SLC9C2: variants seen among roughly 807,000 people sequenced by gnomAD.
SLC9C2 encodes the protein sodium/hydrogen exchanger 11.
Under a neutral mutation model 140.2 loss-of-function variants are expected in SLC9C2, and 75 were observed. The ratio of observed to expected loss-of-function variants is 0.53; its 90% CI spans 0.44 to 0.65. The LOEUF (loss-of-function observed/expected upper bound fraction) is 0.65. SLC9C2 is among the 30% of genes least tolerant of loss of function. The pLI, the probability that SLC9C2 is intolerant of heterozygous loss-of-function variation, is 0.00. For missense variants in SLC9C2, 1,074 were observed against 1,331.8 expected (o/e 0.81, Z 3.01); for synonymous variants, 375 against 420.9 (o/e 0.89, Z 1.34).
chr1:173,521,349 T>G lies in SLC9C2; in HGVS notation c.2691A>C (p.Gly897=), dbSNP rs1382271027. 6 of 1,557,800 alleles carry G rather than the reference T, an allele frequency of 3.9e-6. No individual in the cohort carries two copies. In the East Asian group the frequency reaches 1.4e-4, roughly 38 times the overall value. ...CFDSGDTICK[G]GEMPQGIYLI... The stretch of plus-strand genomic sequence containing the variant: ...AGTAGATTCCTTGTGGCATTTCACC[T>G]CCTTTACAAATGGTATCTCCAGAGT... The change falls in exon 22 of 28, where the codon GGA becomes GGC. Residue 897 remains glycine (G), a synonymous_variant. Coordinates refer to ENST00000367714, the MANE Select transcript of SLC9C2 (RefSeq NM_178527.4).
intron 9 of SLC9C2, among the ~76,000 whole-genome samples, chr1:173,558,560 G>A (rs1428602801): frequency 6.6e-6 from 1 of 152,168 alleles, no homozygotes; most frequent in African/African-American, 2.4e-5. Flanking sequence ...GTAAAATGAA[G>A]ATAATAACAA....
chr1:173,564,700 C>T (rs1160193627), intron 9 of SLC9C2, among the ~76,000 whole-genome samples: 1 of 145,622 alleles, frequency 6.9e-6, no homozygotes, highest in South Asian at 2.2e-4. Context: ...TGCAGTGGCG[C>T]GATCTCGGCT....
At chr1:173,540,110 T>A (rs1461961536) in intron 13 of SLC9C2, among the ~76,000 whole-genome samples, 1 of 152,182 alleles carries the variant, frequency 6.6e-6, no homozygotes, top group East Asian at 1.9e-4. Context: ...CTCACCCTGT[T>A]GGAACCCAGA....
chr1:173,505,242 C>T lies in SLC9C2; in HGVS notation c.3310+5G>A. ...TTTTCCTACCACTAAAGGTCTACCC[C>T]TTACCCATGACATTGGTGTTACTAT... On this transcript the variant is annotated splice_donor_5th_base_variant and intron_variant, in intron 26 of 27. Transcript: ENST00000367714. The T allele has an allele frequency of 6.2e-7, 1 of 1,611,282 alleles. No individual in the cohort carries two copies. Among genetic ancestry groups the T allele is most frequent in the Non-Finnish European group, 8.5e-7 (1 of 1,177,540 alleles).
rs116824036 is a variant in SLC9C2, at chr1:173,547,287, A to G, written c.1557+402T>C. Among the ~76,000 whole-genome samples the G allele has an allele frequency of 9.4e-3, 1,430 of 152,016 alleles. 26 individuals carry two copies. Among genetic ancestry groups the G allele is most frequent in the African/African-American group, 0.033 (1,372 of 41,454 alleles). ...CAAGAGAATTTTTGATTCATCAGAT[A>G]TATTTTAGCTTATTATATCTCTAAC... On this transcript the variant is annotated intron_variant, in intron 13 of 27. Coordinates refer to ENST00000367714, the MANE Select transcript of SLC9C2 (RefSeq NM_178527.4).
At chr1:173,551,804 C>T (rs887001341) in intron 11 of SLC9C2, among the ~76,000 whole-genome samples, 28 of 152,012 alleles carry the variant, frequency 1.8e-4, no homozygotes, top group Admixed American at 1.7e-3. Context: ...CAATTAATAA[C>T]CCTACAATGG....
intron 19 of SLC9C2, among the ~76,000 whole-genome samples, chr1:173,526,122 C>T (rs1661175641): frequency 6.6e-6 from 1 of 151,658 alleles, no homozygotes; most frequent in Non-Finnish European, 1.5e-5. Context: ...CAGCCTGGCC[C>T]ACAGCCCCCC....
At chr1:173,568,095 T>C (rs1664605293) in intron 9 of SLC9C2, among the ~76,000 whole-genome samples, 1 of 152,174 alleles carries the variant, frequency 6.6e-6, no homozygotes, top group Non-Finnish European at 1.5e-5. Flanking sequence ...CATTTCTACT[T>C]AGGAGTAGTT....
At chr1:173,594,260 T>C (rs908946734) in intron 4 of SLC9C2, among the ~76,000 whole-genome samples, 1 of 152,164 alleles carries the variant, frequency 6.6e-6, no homozygotes, top group East Asian at 1.9e-4. Flanking sequence ...GCAGGATGAC[T>C]ATAGTTAACA....
intron 12 of SLC9C2, 125 bp from the exon 13 acceptor site, chr1:173,547,909 A>G: frequency 1.5e-6 from 1 of 680,326 alleles, no homozygotes; most frequent in East Asian, 2.9e-5. Flanking sequence ...GAATTGCTAG[A>G]ATGAAGAGCT....
chr1:173,587,301 T>TAGACTTGG lies in SLC9C2; in HGVS notation c.523+363_523+364insCCAAGTCT, dbSNP rs1198334555. ...TTGGAATAGTCTCTTTAGGGATCTTTAATGTTTCCCCTTATTGGTAAACAA... is the reference window on the plus strand; with the variant it reads ...TTGGAATAGTCTCTTTAGGGATCTTTAGACTTGGAATGTTTCCCCTTATTGGTAAACAA... On this transcript the variant is annotated intron_variant, in intron 5 of 27. Coordinates refer to ENST00000367714, the MANE Select transcript of SLC9C2 (RefSeq NM_178527.4). 2.6e-5 allele frequency among the ~76,000 whole-genome samples: 4 copies of TAGACTTGG among 152,332 alleles called. No individual in the cohort carries two copies. The East Asian group carries it at 7.7e-4, about 29-fold the overall frequency.
chr1:173,523,824 C>A (rs1661000532), intron 21 of SLC9C2, 145 bp downstream of exon 21: 1 of 1,073,640 alleles, frequency 9.3e-7, no homozygotes, highest in African/African-American at 1.6e-5. Flanking sequence ...TCTAGTCTTC[C>A]TCTAGGCTTT....
intron 11 of SLC9C2, among the ~76,000 whole-genome samples, chr1:173,552,892 CATAG>C (rs934306879): frequency 4.6e-5 from 7 of 152,270 alleles, no homozygotes; most frequent in African/African-American, 9.6e-5. Flanking sequence ...CTATAGCTGT[CATAG>C]ATAGTGATTC....
At position 173,534,447 on chromosome 1, in the gene SLC9C2, C is replaced by A. The variant is rs756732449; in HGVS notation, c.1974+37G>T. On this transcript the variant is annotated intron_variant, in intron 16 of 27. Coordinates refer to ENST00000367714, the MANE Select transcript of SLC9C2 (RefSeq NM_178527.4). ...AAATAGATTCAAAATACCTGAATTG[C>A]TCTTTTTATAGATTCTATTTCTATT... The A allele has an allele frequency of 7.3e-6, 11 of 1,503,504 alleles. No homozygotes were observed. In the South Asian group the frequency reaches 1.3e-4, roughly 18 times the overall value. 93.1% of individuals were successfully genotyped at this position (1,503,504 alleles called of 1,614,324 possible).
In SLC9C2 at chr1:173,582,023, G is replaced by T. The variant is rs1311585516; in HGVS notation, c.641-15C>A. ...TACATGTAAATCTAAAAAAAAGAAA[G>T]AAAAAATAAGAAATAAAAACTTGAG... On this transcript the variant is annotated splice_polypyrimidine_tract_variant and intron_variant, in intron 6 of 27. Coordinates refer to ENST00000367714, the MANE Select transcript of SLC9C2 (RefSeq NM_178527.4). 8 of 1,479,234 alleles carry T rather than the reference G, an allele frequency of 5.4e-6. No individual in the cohort carries two copies. The highest frequency in any genetic ancestry group is 4.9e-5 in the East Asian group (2 of 41,154). The allele number at this position is 1,479,234 out of a possible 1,614,324, so 91.6% of individuals were successfully genotyped here.
At chr1:173,582,878 C>G (rs1389459062) in intron 6 of SLC9C2, among the ~76,000 whole-genome samples, 1 of 152,204 alleles carries the variant, frequency 6.6e-6, no homozygotes, top group Non-Finnish European at 1.5e-5. Flanking sequence ...ATTCTTAGCA[C>G]TCAGTCACTG....
chr1:173,546,535 C>T (rs372803552), intron 13 of SLC9C2, among the ~76,000 whole-genome samples: 2 of 152,160 alleles, frequency 1.3e-5, no homozygotes, highest in South Asian at 2.1e-4. Flanking sequence ...GAGTCAAGAT[C>T]GCGCCACTGC....
intron 7 of SLC9C2, among the ~76,000 whole-genome samples, chr1:173,579,187 T>C (rs1302828023): frequency 6.6e-6 from 1 of 152,216 alleles, no homozygotes; most frequent in Non-Finnish European, 1.5e-5. Context: ...AAAATACAGA[T>C]ATTTCCTCTC....
chr1:173,551,213 C>T (rs1056356686), intron 11 of SLC9C2, among the ~76,000 whole-genome samples: 1 of 152,174 alleles, frequency 6.6e-6, no homozygotes, highest in African/African-American at 2.4e-5. Flanking sequence ...CCTTCCTTTG[C>T]CCTCATTAGT....
Sources: gnomAD v4.1 joint callset for allele counts (sites outside exome capture counted in the v4.1 genomes callset) on GRCh38, gnomAD v4.1.1 for gene constraint, MANE v1.5 for transcripts, NCBI Gene and HGNC (gene_info 2026-07-23, HGNC 2026-07-21) for gene names.